Variants in RAPGEF6 observed in about 807,000 individuals in gnomAD.
RAPGEF6 encodes PDZ domain containing guanine nucleotide exchange factor (GEF) 2.
Under a neutral mutation model 171.4 loss-of-function variants are expected in RAPGEF6, and 56 were observed. That is an observed-to-expected ratio of 0.33 (90% CI 0.26 to 0.41). The LOEUF is 0.41. RAPGEF6 is among the 10% of genes least tolerant of loss of function. The pLI is 1.00. For missense variants in RAPGEF6, 1,674 were observed against 1,921.4 expected (o/e 0.87, Z 2.41); for synonymous variants, 692 against 650.1 (o/e 1.06, Z -0.98).
At chr5:131,528,075 ATT>A in intron 6 of RAPGEF6, among the ~76,000 whole-genome samples, 1 of 66,940 alleles carries the variant, frequency 1.5e-5, no homozygotes, top group African/African-American at 4.2e-5. Flanking sequence ...TAAATTTATA[ATT>A]TATATTATAT....
At chr5:131,599,742 C>G (rs1428106500) in intron 3 of RAPGEF6, among the ~76,000 whole-genome samples, 1 of 152,160 alleles carries the variant, frequency 6.6e-6, no homozygotes, top group Admixed American at 6.5e-5. Context: ...TCAGAAGAGG[C>G]TGGTGGTGAT....
chr5:131,545,954 C>A (rs1760497740), intron 6 of RAPGEF6, among the ~76,000 whole-genome samples: 1 of 152,140 alleles, frequency 6.6e-6, no homozygotes, highest in South Asian at 2.1e-4. Flanking sequence ...CAAACAGAAT[C>A]CCTAAGGAGT....
chr5:131,625,262 C>CA (rs1765837791), intron 1 of RAPGEF6, among the ~76,000 whole-genome samples: 1 of 151,826 alleles, frequency 6.6e-6, no homozygotes, highest in Non-Finnish European at 1.5e-5. Context: ...AACTCCGTCT[C>CA]AAAAAACAAA....
At chr5:131,535,174 T>A (rs549446408) in intron 6 of RAPGEF6, among the ~76,000 whole-genome samples, 1 of 152,146 alleles carries the variant, frequency 6.6e-6, no homozygotes, top group Non-Finnish European at 1.5e-5. Context: ...AATCATCTCA[T>A]AGTATCTTCG....
rs527778629 is a variant in RAPGEF6 at position 131,493,184 on chromosome 5, C to T, written c.1528-399G>A. Among the ~76,000 whole-genome samples, 12 of 152,250 alleles carry T rather than the reference C, an allele frequency of 7.9e-5. No homozygotes were observed. In the South Asian group the frequency reaches 2.5e-3, roughly 32 times the overall value. On this transcript the variant is annotated intron_variant, in intron 13 of 27. Transcript: ENST00000509018. ...GGTTCATGCCATTCTCCTGCCTCAG[C>T]CTCCCGAGTAGCTGGGACTACAGGC... is the stretch of plus-strand genomic sequence containing the variant.
rs1214884599 is a variant in RAPGEF6 at position 131,442,454 on chromosome 5, T to C, written c.3505A>G (p.Lys1169Glu). ...CTGTGGGGTTGATGCAAGTGGGCTT[T>C]AGTTGTTTGGCCAGCTGACCTCATA... ...VPMRSAGQTT[K>E]AHLHQPHRVS... The change falls in exon 23 of 28, where the codon AAA (lysine) becomes GAA (glutamate). Residue 1169 changes from lysine to glutamate, a missense_variant. Lys to Glu is a moderately conservative substitution (Grantham distance 56). Coordinates refer to ENST00000509018, the MANE Select transcript of RAPGEF6 (RefSeq NM_016340.6). The C allele has an allele frequency of 6.2e-7, 1 of 1,614,198 alleles. No individual in the cohort carries two copies. The highest frequency in any genetic ancestry group is 8.5e-7 in the Non-Finnish European group (1 of 1,180,028).
intron 15 of RAPGEF6, among the ~76,000 whole-genome samples, chr5:131,485,165 G>C (rs1228415239): frequency 6.6e-6 from 1 of 152,112 alleles, no homozygotes. Context: ...AGCCTCAAGT[G>C]ATCCTCCCGC....
At chr5:131,572,530 A>G (rs1008337093) in intron 4 of RAPGEF6, among the ~76,000 whole-genome samples, 1 of 152,140 alleles carries the variant, frequency 6.6e-6, no homozygotes, top group African/African-American at 2.4e-5. Context: ...GCCTGCCTTG[A>G]TCATTCACCC....
chr5:131,483,348 C>CAAAAAAAA (rs10637299), intron 15 of RAPGEF6, among the ~76,000 whole-genome samples: 1 of 121,960 alleles, frequency 8.2e-6, no homozygotes, highest in African/African-American at 3.1e-5. Flanking sequence ...GACTCTGTCT[C>CAAAAAAAA]AAAAAAAAAA....
At chr5:131,563,754 C>T (rs1195867512) in intron 4 of RAPGEF6, among the ~76,000 whole-genome samples, 1 of 152,180 alleles carries the variant, frequency 6.6e-6, no homozygotes, top group African/African-American at 2.4e-5. Flanking sequence ...ATCCACCCAC[C>T]TTGGCCTCCC....
chr5:131,505,150 C>T (rs1053474799), intron 10 of RAPGEF6, among the ~76,000 whole-genome samples: 3 of 151,524 alleles, frequency 2.0e-5, no homozygotes, highest in African/African-American at 7.3e-5. Context: ...TGTAACAAAC[C>T]AGCATTTATT....
chr5:131,631,731 G>A (rs1356976483), intron 1 of RAPGEF6, among the ~76,000 whole-genome samples: 1 of 152,162 alleles, frequency 6.6e-6, no homozygotes, highest in Non-Finnish European at 1.5e-5. Context: ...AGAATCTGTT[G>A]AGCCCAGAAA....
At chr5:131,484,200 C>T (rs1755707683) in intron 15 of RAPGEF6, among the ~76,000 whole-genome samples, 1 of 144,694 alleles carries the variant, frequency 6.9e-6, no homozygotes, top group Admixed American at 6.9e-5. Flanking sequence ...ATTTAAAAGA[C>T]TGATTATACC....
At chr5:131,452,423 T>C (rs1259643300) in intron 21 of RAPGEF6, among the ~76,000 whole-genome samples, 1 of 151,950 alleles carries the variant, frequency 6.6e-6, no homozygotes, top group Non-Finnish European at 1.5e-5. Flanking sequence ...TTCATTTGTA[T>C]GTAATAAAAA....
chr5:131,528,316 TA>T (rs376575867), intron 6 of RAPGEF6, among the ~76,000 whole-genome samples: 5,175 of 30,698 alleles, frequency 0.17, 656 homozygotes, highest in African/African-American at 0.24. Flanking sequence ...ATTTATATTA[TA>T]TATATATATA....
intron 18 of RAPGEF6, among the ~76,000 whole-genome samples, chr5:131,462,421 T>C (rs73786679): frequency 0.027 from 4,054 of 152,300 alleles, 163 homozygotes; most frequent in African/African-American, 0.085. Context: ...TGACAGAGGA[T>C]TGGTACTATG....
chr5:131,633,635 G>A (rs1224864769), intron 1 of RAPGEF6, among the ~76,000 whole-genome samples: 1 of 152,052 alleles, frequency 6.6e-6, no homozygotes, highest in Non-Finnish European at 1.5e-5. Flanking sequence ...GGAGGCTGAG[G>A]CAGAAAAATC....
chr5:131,475,335 T>C (rs972266313), intron 16 of RAPGEF6, among the ~76,000 whole-genome samples: 1 of 152,098 alleles, frequency 6.6e-6, no homozygotes, highest in Admixed American at 6.6e-5. Flanking sequence ...AGAAGAAAAA[T>C]CGTTTAAAAA....
At chr5:131,478,728 AG>A (rs1755272274) in intron 16 of RAPGEF6, among the ~76,000 whole-genome samples, 1 of 152,204 alleles carries the variant, frequency 6.6e-6, no homozygotes, top group South Asian at 2.1e-4. Context: ...AATTTCTCAG[AG>A]GTAAGGACCA....
Sources: allele counts gnomAD v4.1 joint callset (sites outside exome capture counted in the v4.1 genomes callset), GRCh38; gene constraint gnomAD v4.1.1; transcripts MANE v1.5; gene names NCBI Gene and HGNC (gene_info 2026-07-23, HGNC 2026-07-21).